RTN4: variants seen among roughly 807,000 people sequenced by gnomAD.
The protein encoded by RTN4 is reticulon-4.
A neutral mutation model predicts 90.4 loss-of-function variants in RTN4; 32 were observed. That is an observed-to-expected ratio of 0.35 (90% CI 0.27 to 0.48). The LOEUF (loss-of-function observed/expected upper bound fraction) is 0.48, where lower values mean the gene tolerates loss of function less well. Among genes scored for constraint, RTN4 ranks in the 20% least tolerant of loss-of-function variants. RTN4 has a pLI of 0.99. For synonymous variants in RTN4, 629 were observed against 552.5 expected (o/e 1.14, Z -1.94); for missense variants, 1,706 against 1,430.2 (o/e 1.19, Z -3.11).
chr2:55,117,477 C>T (rs1417094672), upstream of RTN4, among the ~76,000 whole-genome samples: 1 of 152,166 alleles, frequency 6.6e-6, no homozygotes, highest in African/African-American at 2.4e-5. Flanking sequence ...GGGAATAACA[C>T]CTGGCTCAAG....
At chr2:55,054,199 T>C (rs1056661895), upstream of RTN4, among the ~76,000 whole-genome samples, 1 of 152,246 alleles carries the variant, frequency 6.6e-6, no homozygotes, top group Non-Finnish European at 1.5e-5. Flanking sequence ...GAGGTGCTCT[T>C]GAACACAGGC....
At chr2:55,097,301 CAAA>C (rs5831338) in intron 1 of RTN4, among the ~76,000 whole-genome samples, 3 of 108,982 alleles carry the variant, frequency 2.8e-5, no homozygotes, top group African/African-American at 3.6e-5. Flanking sequence ...AATTCTGTCT[CAAA>C]AAAAAAAAAA....
chr2:55,132,991 C>T, the RTN4 span, among the ~76,000 whole-genome samples: 1 of 151,722 alleles, frequency 6.6e-6, no homozygotes, highest in Non-Finnish European at 1.5e-5. Context: ...GCAGGTGGAT[C>T]ACTTGAAGCC....
the RTN4 span, among the ~76,000 whole-genome samples, chr2:55,124,631 C>A: frequency 5.3e-5 from 8 of 152,294 alleles, no homozygotes; most frequent in East Asian, 1.5e-3. Flanking sequence ...ATTAAAATGG[C>A]TATACTGGCC....
At chr2:55,069,953 G>A (rs780357714) in intron 2 of RTN4, among the ~76,000 whole-genome samples, 1 of 152,162 alleles carries the variant, frequency 6.6e-6, no homozygotes, top group Admixed American at 6.5e-5. Flanking sequence ...AGAATTAAGA[G>A]AAAGCAGCAA....
intron 1 of RTN4, among the ~76,000 whole-genome samples, chr2:55,099,281 G>C (rs1667808789): frequency 6.6e-6 from 1 of 152,010 alleles, no homozygotes; most frequent in African/African-American, 2.4e-5. Context: ...CCAGTTTTTT[G>C]AGCATCATTA....
intron 1 of RTN4, among the ~76,000 whole-genome samples, chr2:55,085,393 C>T (rs1363899588): frequency 6.6e-6 from 1 of 152,062 alleles, no homozygotes; most frequent in Admixed American, 6.6e-5. Context: ...GCTAGCAAGT[C>T]CAAAATCTGC....
chr2:55,090,172 C>T (rs1158368664), intron 1 of RTN4, among the ~76,000 whole-genome samples: 1 of 152,018 alleles, frequency 6.6e-6, no homozygotes, highest in African/African-American at 2.4e-5. Flanking sequence ...GGAGTGGAGA[C>T]AGCTGAATTC....
intron 1 of RTN4, among the ~76,000 whole-genome samples, chr2:55,103,669 T>C (rs190814884): frequency 6.6e-6 from 1 of 152,246 alleles, no homozygotes; most frequent in Non-Finnish European, 1.5e-5. Context: ...AAGACTTCTA[T>C]ACAGTTGTAT....
the RTN4 span, among the ~76,000 whole-genome samples, chr2:55,128,742 C>G: frequency 2.7e-5 from 4 of 150,882 alleles, no homozygotes; most frequent in Non-Finnish European, 4.4e-5. Context: ...GCAGGTATTA[C>G]AAGCAAAGAA....
intron 3 of RTN4, among the ~76,000 whole-genome samples, chr2:54,998,322 A>G (rs1476226213): frequency 6.6e-6 from 1 of 152,036 alleles, no homozygotes; most frequent in Non-Finnish European, 1.5e-5. Context: ...ACTAGGTTGT[A>G]AACTCCATAA....
intron 2 of RTN4, among the ~76,000 whole-genome samples, chr2:55,070,746 T>TG (rs1394248762): frequency 1.1e-4 from 7 of 66,014 alleles, no homozygotes; most frequent in African/African-American, 4.8e-4. Context: ...GCTGTTTTGA[T>TG]TTTTGTTGTT....
At chr2:54,997,393 C>G (rs970922533) in intron 3 of RTN4, among the ~76,000 whole-genome samples, 4 of 152,156 alleles carry the variant, frequency 2.6e-5, no homozygotes, top group Admixed American at 6.5e-5. Context: ...TTAGAAGCCT[C>G]ATAGATTGCT....
upstream of RTN4, among the ~76,000 whole-genome samples, chr2:55,114,280 G>C (rs1260794765): frequency 6.6e-6 from 1 of 152,170 alleles, no homozygotes; most frequent in Non-Finnish European, 1.5e-5. Context: ...TTGTGAATTA[G>C]TCTGCAGCTC....
chr2:55,077,764 C>CACACACACAG, intron 2 of RTN4, among the ~76,000 whole-genome samples: 1 of 150,426 alleles, frequency 6.6e-6, no homozygotes, highest in South Asian at 2.1e-4. Flanking sequence ...TATACACACA[C>CACACACACAG]ACACACACAC....
chr2:54,998,872 AGGGAAAGTTT>A (rs1278252107), intron 3 of RTN4, among the ~76,000 whole-genome samples: 2 of 152,300 alleles, frequency 1.3e-5, no homozygotes, highest in African/African-American at 4.8e-5. Context: ...GAGTTTATAC[AGGGAAAGTTT>A]AACTTTTCTT....
chr2:55,015,691 T>G (rs1172033527), intron 3 of RTN4, among the ~76,000 whole-genome samples: 1 of 152,164 alleles, frequency 6.6e-6, no homozygotes, highest in Non-Finnish European at 1.5e-5. Context: ...AAAAAATACC[T>G]AGTACAGAAT....
chr2:55,065,462 G>C lies in RTN4; in HGVS notation c.-63+15027C>G, dbSNP rs188343546. ...GAAAATTAATGGATATCCACCAAAAGACATGTAAAAGTGCTCATGGCAGCT... is the reference window on the plus strand; with the variant it reads ...GAAAATTAATGGATATCCACCAAAACACATGTAAAAGTGCTCATGGCAGCT... On this transcript the variant is annotated intron_variant, in intron 2 of 3. Coordinates refer to the RTN4 transcript ENST00000427710. 2.9e-4 allele frequency among the ~76,000 whole-genome samples: 44 copies of C among 152,004 alleles called. No homozygotes were observed. The Middle Eastern group carries it at 0.01, about 35-fold the overall frequency.
chr2:55,039,306 T>C (rs566425165), intron 1 of RTN4, among the ~76,000 whole-genome samples: 3 of 152,324 alleles, frequency 2.0e-5, no homozygotes, highest in African/African-American at 7.2e-5. Context: ...GAAAAAGGTG[T>C]ATGGGCATTC....
Sources: allele counts gnomAD v4.1 joint callset (sites outside exome capture counted in the v4.1 genomes callset), GRCh38; gene constraint gnomAD v4.1.1; transcripts MANE v1.5; gene names NCBI Gene and HGNC (gene_info 2026-07-23, HGNC 2026-07-21).